The following GLYAT variants were observed in gnomAD, a reference collection of about 807,000 sequenced individuals.
The protein encoded by GLYAT is glycine N-acyltransferase.
Under a neutral mutation model 22.8 loss-of-function variants are expected in GLYAT, and 25 were observed. That is an observed-to-expected ratio of 1.09 (90% confidence interval 0.80 to 1.53). GLYAT has a LOEUF of 1.53. Ranked by LOEUF, GLYAT falls within the 40% of genes most tolerant of loss-of-function variation. The probability of loss-of-function intolerance (pLI) is 0.00; values close to 1 mark genes in which losing one functional copy is unlikely to be tolerated. For missense variants in GLYAT, 411 were observed against 353.9 expected, an observed-to-expected ratio of 1.16 and a Z score of -1.29; for synonymous variants, 140 against 122.7, an observed-to-expected ratio of 1.14 and a Z score of -0.93.
At chr11:58,727,809 C>T (rs1252666513) in intron 1 of GLYAT, among the ~76,000 whole-genome samples, 1 of 152,088 alleles carries the variant, frequency 6.6e-6, no homozygotes, top group Non-Finnish European at 1.5e-5. Context: ...AGTGAGCATG[C>T]ATACAATTCC....
Position 58,710,510 on chromosome 11 carries a change from G to T in GLYAT, c.488+80C>A, listed in dbSNP as rs982407990. On this transcript the variant is annotated intron_variant, in intron 5 of 5. Transcript: ENST00000344743. ...TTTGTACAACATTGATTGTAGGAAA[G>T]CCAGAGTGAATGCAGGGAGAGAAGT... is the stretch of plus-strand genomic sequence containing the variant. 2.0e-4 allele frequency: 213 copies of T among 1,050,994 alleles called. 1 individual carries two copies. Among genetic ancestry groups the T allele is most frequent in the African/African-American group, 1.6e-5 (1 of 64,138 alleles). 65.1% of individuals were successfully genotyped at this position (1,050,994 alleles called of 1,614,324 possible).
intron 3 of GLYAT, among the ~76,000 whole-genome samples, 182 bp from the exon 4 acceptor site, chr11:58,713,068 G>GAATGTTT (rs1856636725): frequency 6.6e-6 from 1 of 151,984 alleles, no homozygotes; most frequent in African/African-American, 2.4e-5. Flanking sequence ...TATGTGCATA[G>GAATGTTT]AATGTTTAAT....
rs1856603314 is a variant in GLYAT, at chr11:58,710,618, A to G, written c.460T>C (p.Ser154Pro). 1 of 1,606,490 alleles carries G rather than the reference A, an allele frequency of 6.2e-7. No individual in the cohort carries two copies. The highest frequency in any genetic ancestry group is 8.5e-7 in the Non-Finnish European group (1 of 1,173,110). ...TPFLLKSKIL[S>P]PNGGKPKAIN... ...GCCTTGGGTTTGCCACCATTGGGAG[A>G]TAAAATCTTTGATTTCAGCAGGAAA... Residue 154 changes from serine (S) to proline (P), a missense_variant, in exon 5 of 6, where the codon TCT becomes CCT. By Grantham distance (74) the Ser-to-Pro change is moderately conservative (BLOSUM62 -1). Coordinates refer to ENST00000344743, the MANE Select transcript of GLYAT (RefSeq NM_201648.3).
At position 58,711,205 on chromosome 11, in the gene GLYAT, T is replaced by C. The variant is rs1378466792; in HGVS notation, c.317-444A>G. 3.3e-5 allele frequency among the ~76,000 whole-genome samples: 5 copies of C among 152,234 alleles called. 1 individual carries two copies. In the East Asian group the frequency reaches 9.6e-4, roughly 29 times the overall value. ...CAGCATTCCACAAGTTACTTGCCCCTTCCTTTGTTCTCCTCTGCCTTTATC... is the reference window on the plus strand; with the variant it reads ...CAGCATTCCACAAGTTACTTGCCCCCTCCTTTGTTCTCCTCTGCCTTTATC... On this transcript the variant is annotated intron_variant, in intron 4 of 5. Transcript: ENST00000344743.
At chr11:58,727,597 G>T (rs1590675180) in intron 1 of GLYAT, among the ~76,000 whole-genome samples, 1 of 152,064 alleles carries the variant, frequency 6.6e-6, no homozygotes, top group African/African-American at 2.4e-5. Context: ...CAGACCCGAA[G>T]GTCCTTCCCA....
Position 58,731,898 on chromosome 11 carries a change from T to C in GLYAT, c.-79A>G, listed in dbSNP as rs1186630979. On this transcript the variant is annotated 5_prime_UTR_variant, in exon 1 of 6. Transcript: ENST00000344743. ...CGATGAGCAACACCCTTCTGGGAGATGAAATTTCTCCCTGATGCAGCCAGT... is the reference window on the plus strand; with the variant it reads ...CGATGAGCAACACCCTTCTGGGAGACGAAATTTCTCCCTGATGCAGCCAGT... 1.3e-5 allele frequency: 2 copies of C among 152,180 alleles called. No homozygotes were observed. The highest frequency in any genetic ancestry group is 2.9e-5 in the Non-Finnish European group (2 of 68,028). The allele number at this position is 152,180 out of a possible 1,614,324, so 9.4% of individuals were successfully genotyped here. A position where few individuals can be genotyped will look rare whatever the true frequency, so the allele number is the denominator to read the frequency against.
intron 1 of GLYAT, among the ~76,000 whole-genome samples, chr11:58,731,590 A>G (rs1324947523): frequency 3.9e-5 from 6 of 152,212 alleles, no homozygotes; most frequent in Non-Finnish European, 8.8e-5. Flanking sequence ...AAAGTATACA[A>G]TATGATGTTA....
At chr11:58,721,826 C>T (rs1043539799) in intron 2 of GLYAT, among the ~76,000 whole-genome samples, 20 of 151,722 alleles carry the variant, frequency 1.3e-4, no homozygotes, top group African/African-American at 4.8e-4. Context: ...TTTTGCTAGC[C>T]ATTTTCCTCC....
In GLYAT at chr11:58,710,578, T is replaced by C. The variant is rs753884380; in HGVS notation, c.488+12A>G. ...GGTGTGAGTGGTATAGACTGGATTT[T>C]ATCAAACTCACATGGCCTTGGGTTT... On this transcript the variant is annotated intron_variant, in intron 5 of 5. Coordinates refer to ENST00000344743, the MANE Select transcript of GLYAT (RefSeq NM_201648.3). 10 of 1,584,900 alleles carry C rather than the reference T, an allele frequency of 6.3e-6. No homozygotes were observed. The highest frequency in any genetic ancestry group is 1.7e-4 in the Middle Eastern group (1 of 6,038).
At chr11:58,724,737 T>C (rs1856794841) in intron 1 of GLYAT, among the ~76,000 whole-genome samples, 1 of 152,108 alleles carries the variant, frequency 6.6e-6, no homozygotes, top group African/African-American at 2.4e-5. Flanking sequence ...AGCCATTAAT[T>C]TCATTTTAGA....
chr11:58,721,144 C>T (rs898825253), intron 2 of GLYAT, among the ~76,000 whole-genome samples: 3 of 151,766 alleles, frequency 2.0e-5, no homozygotes, highest in Non-Finnish European at 1.5e-5. Context: ...TTATAAAGAT[C>T]ACCCCACTTT....
chr11:58,720,000 G>T (rs75283388), intron 2 of GLYAT, among the ~76,000 whole-genome samples: 12 of 151,576 alleles, frequency 7.9e-5, no homozygotes, highest in African/African-American at 2.9e-4. Flanking sequence ...TTTAGTTTAG[G>T]ATTAAATTTA....
At chr11:58,731,032 G>C (rs1302785330) in intron 1 of GLYAT, among the ~76,000 whole-genome samples, 2 of 152,062 alleles carry the variant, frequency 1.3e-5, no homozygotes, top group African/African-American at 4.8e-5. Flanking sequence ...ATTTAAGAGA[G>C]AACAAAGGCA....
intron 2 of GLYAT, among the ~76,000 whole-genome samples, chr11:58,717,310 C>A (rs1856693866): frequency 6.6e-6 from 1 of 151,704 alleles, no homozygotes; most frequent in African/African-American, 2.4e-5. Flanking sequence ...AGTCTCATGT[C>A]CTATGAAGAG....
Position 58,709,790 on chromosome 11 carries a change from G to T in GLYAT, c.867C>A (p.Asn289Lys), listed in dbSNP as rs1318144714. Residue 289 changes from asparagine (N) to lysine (K), a missense_variant, in exon 6 of 6, where the codon AAC (asparagine) becomes AAA (lysine). Physicochemically the swap from Asn to Lys is moderately conservative, Grantham distance 94. Transcript: ENST00000344743. ...LQHVPIPRSWNQWNCVPL is the reference protein window; with the variant it reads ...LQHVPIPRSWKQWNCVPL ...ATCACAGAGGTACACAGTTCCACTG[G>T]TTCCAGCTTCTGGGAATGGGAACAT... 1 of 1,612,614 alleles carries T rather than the reference G, an allele frequency of 6.2e-7. No individual in the cohort carries two copies. Among genetic ancestry groups the T allele is most frequent in the East Asian group, 2.2e-5 (1 of 44,872 alleles).
At chr11:58,720,963 G>A (rs148149865) in intron 2 of GLYAT, among the ~76,000 whole-genome samples, 5,474 of 151,886 alleles carry the variant, frequency 0.036, 169 homozygotes, top group Middle Eastern at 0.058. Flanking sequence ...CTTGAAAAAG[G>A]ATTTTAATAG....
chr11:58,726,519 C>T (rs541287107), intron 1 of GLYAT, among the ~76,000 whole-genome samples: 1 of 152,180 alleles, frequency 6.6e-6, no homozygotes, highest in African/African-American at 2.4e-5. Context: ...ATATACCTGC[C>T]TCTGGTCCCT....
intron 5 of GLYAT, 126 bp downstream of exon 5, chr11:58,710,464 T>TA: frequency 1.2e-6 from 1 of 838,682 alleles, no homozygotes; most frequent in Non-Finnish European, 1.9e-6. Flanking sequence ...TTACATTTTT[T>TA]AAAAATGTAA....
rs572010755 is a variant in GLYAT, at chr11:58,713,678, T to A, written c.190-792A>T. On this transcript the variant is annotated intron_variant, in intron 3 of 5. Transcript: ENST00000344743. ...TTAGTAAATGACAGATACAATTATT[T>A]ACAGGAAGAAGGTGGATGAAAATAT... Among the ~76,000 whole-genome samples the A allele has an allele frequency of 2.4e-4, 37 of 152,208 alleles. No homozygotes were observed. In the South Asian group the frequency reaches 7.5e-3, roughly 31 times the overall value.
Sources: gnomAD v4.1 joint callset for allele counts (sites outside exome capture counted in the v4.1 genomes callset) on GRCh38, gnomAD v4.1.1 for gene constraint, MANE v1.5 for transcripts, NCBI Gene and HGNC (gene_info 2026-07-23, HGNC 2026-07-21) for gene names.